PCDHA3: variants seen among roughly 807,000 people sequenced by gnomAD.
The protein encoded by PCDHA3 is protocadherin alpha-3.
Under a neutral mutation model 62.2 loss-of-function variants are expected in PCDHA3, and 41 were observed. That is an observed-to-expected ratio of 0.66 (90% confidence interval 0.51 to 0.86). The LOEUF is 0.86. Ranked by LOEUF, PCDHA3 falls within the 40% of genes least tolerant of loss-of-function variation. The pLI is 0.00. For synonymous variants in PCDHA3, 640 were observed against 555.4 expected (o/e 1.15, Z -2.14); for missense variants, 1,304 against 1,241.2 (o/e 1.05, Z -0.76).
At chr5:140,882,713 G>T (rs1554175318) in intron 1 of PCDHA3, 6 of 1,614,198 alleles carry the variant, frequency 3.7e-6, no homozygotes, top group African/African-American at 1.3e-5. Context: ...TAGACCTCCG[G>T]AAACTCGATT....
chr5:140,841,745 G>C, intron 1 of PCDHA3: 1 of 1,613,898 alleles, frequency 6.2e-7, no homozygotes, highest in Non-Finnish European at 8.5e-7. Flanking sequence ...AAAGCTGTTT[G>C]TTTCAGAATC....
intron 1 of PCDHA3, chr5:140,805,472 A>C: frequency 1.0e-6 from 1 of 1,002,384 alleles, no homozygotes; most frequent in Non-Finnish European, 1.2e-6. Context: ...TAGTTCTTCA[A>C]TAGAGAGGGA....
chr5:140,840,029 G>A (rs916611667), intron 1 of PCDHA3, among the ~76,000 whole-genome samples: 1 of 152,050 alleles, frequency 6.6e-6, no homozygotes, highest in African/African-American at 2.4e-5. Flanking sequence ...GTCACGTAGC[G>A]TATCTCCCAG....
chr5:140,926,495 T>G (rs1033428952), intron 1 of PCDHA3: 3 of 181,806 alleles, frequency 1.7e-5, no homozygotes, highest in Non-Finnish European at 3.4e-5. Flanking sequence ...TGTTAGTGTC[T>G]CGGGGCGTCT....
At chr5:140,877,299 C>T in intron 1 of PCDHA3, 1 of 1,613,922 alleles carries the variant, frequency 6.2e-7, no homozygotes. Flanking sequence ...GGCTGTCCTA[C>T]GAGTTGCAAC....
chr5:140,856,514 G>T (rs781942781), intron 1 of PCDHA3: 5 of 1,598,422 alleles, frequency 3.1e-6, no homozygotes, highest in Non-Finnish European at 3.4e-6. Context: ...ACTAGAAGGC[G>T]CATCTGATGC....
intron 1 of PCDHA3, chr5:140,875,484 C>A: frequency 6.2e-7 from 1 of 1,611,246 alleles, no homozygotes. Context: ...TGGTGATTAT[C>A]GGACCAAGAG....
chr5:140,809,278 C>T (rs868946877), intron 1 of PCDHA3: 5 of 1,613,996 alleles, frequency 3.1e-6, no homozygotes, highest in Non-Finnish European at 4.2e-6. Context: ...TGGATGTCAA[C>T]GTATACCTGA....
In PCDHA3 at chr5:140,839,562, G is replaced by A. The variant is rs150033615; in HGVS notation, c.2394+35971G>A. 3.5e-3 allele frequency among the ~76,000 whole-genome samples: 533 copies of A among 151,978 alleles called. 7 individuals carry two copies. The highest frequency in any genetic ancestry group is 0.012 in the African/African-American group (497 of 41,442). ...ACACCACCATGCCCAACTAATTTTT[G>A]TATTTTTTGTAGAGATGGGGTCTTA... On this transcript the variant is annotated intron_variant, in intron 1 of 3. Coordinates refer to ENST00000522353, the MANE Select transcript of PCDHA3 (RefSeq NM_018906.3).
chr5:140,862,677 G>T, intron 1 of PCDHA3: 1 of 550,930 alleles, frequency 1.8e-6, no homozygotes. Context: ...AGGAGAACGT[G>T]CTGGTGTCCT....
Position 140,929,475 on chromosome 5 carries a change from G to A in PCDHA3, c.2395-49474G>A, listed in dbSNP as rs1554207114. ...ACTTCCTGTGCCAAGAAATCTGGAA[G>A]TATAGAAGTATTAGAAGATTGCCCT... is the stretch of plus-strand genomic sequence containing the variant. On this transcript the variant is annotated intron_variant, in intron 1 of 3. Transcript: ENST00000522353. The A allele has an allele frequency of 4.0e-6, 5 of 1,251,128 alleles. No individual in the cohort carries two copies. The Middle Eastern group carries it at 8.1e-4, about 202-fold the overall frequency. The allele number at this position is 1,251,128 out of a possible 1,614,324, so 77.5% of individuals were successfully genotyped here. A position where few individuals can be genotyped will look rare whatever the true frequency, so the allele number is the denominator to read the frequency against.
intron 1 of PCDHA3, chr5:140,807,223 G>T: frequency 6.2e-7 from 1 of 1,614,082 alleles, no homozygotes; most frequent in Non-Finnish European, 8.5e-7. Flanking sequence ...AGGAATCCCG[G>T]CGTCTGCTGC....
chr5:140,836,951 G>GT, intron 1 of PCDHA3: 1 of 428,426 alleles, frequency 2.3e-6, no homozygotes, highest in Non-Finnish European at 4.0e-6. Context: ...AAAATCTATG[G>GT]TTTATGTTGG....
At chr5:140,854,722 C>G (rs78325333) in intron 1 of PCDHA3, 1 of 149,404 alleles carries the variant, frequency 6.7e-6, no homozygotes, top group African/African-American at 2.5e-5. Flanking sequence ...ACAGAAAACT[C>G]AAGTTTTTTT....
chr5:140,909,397 G>C (rs564100527), intron 1 of PCDHA3, among the ~76,000 whole-genome samples: 1 of 152,320 alleles, frequency 6.6e-6, no homozygotes, highest in East Asian at 1.9e-4. Flanking sequence ...TACAGCAGCT[G>C]CAATTGCAGT....
At chr5:140,823,531 G>A (rs2150126678) in intron 1 of PCDHA3, 2 of 1,613,780 alleles carry the variant, frequency 1.2e-6, no homozygotes, top group South Asian at 2.2e-5. Flanking sequence ...GTCAGTGGGT[G>A]CGGGCCACGT....
chr5:140,831,050 T>A (rs1228515623), intron 1 of PCDHA3: 2 of 152,266 alleles, frequency 1.3e-5, no homozygotes, highest in Non-Finnish European at 2.9e-5. Context: ...TAGTGTTCAT[T>A]TATTGTCCCC....
intron 1 of PCDHA3, chr5:140,926,735 G>A (rs2083511846): frequency 1.1e-5 from 12 of 1,140,634 alleles, no homozygotes; most frequent in African/African-American, 1.6e-5. Context: ...GCGTTCGGGA[G>A]GCGCAACGTC....
At chr5:140,871,679 A>G (rs2053261430) in intron 1 of PCDHA3, 2 of 1,116,800 alleles carry the variant, frequency 1.8e-6, no homozygotes, top group Admixed American at 3.1e-5. Flanking sequence ...TAATCATATG[A>G]ATAATCTGGC....
Sources: allele counts gnomAD v4.1 joint callset (sites outside exome capture counted in the v4.1 genomes callset), GRCh38; gene constraint gnomAD v4.1.1; transcripts MANE v1.5; gene names NCBI Gene and HGNC (gene_info 2026-07-23, HGNC 2026-07-21).